Variants in CYP11B1 observed in about 807,000 individuals in gnomAD.
CYP11B1 encodes the protein cytochrome P450 family 11 subfamily B member 1.
Under a neutral mutation model 48.3 loss-of-function variants are expected in CYP11B1, and 34 were observed. The ratio of observed to expected loss-of-function variants is 0.70; its 90% CI spans 0.54 to 0.94. CYP11B1 has a LOEUF of 0.94. Ranked by LOEUF, CYP11B1 falls within the 40% of genes least tolerant of loss-of-function variation. The pLI is 0.00. For synonymous variants in CYP11B1, 291 were observed against 262.5 expected, an observed-to-expected ratio of 1.11 and a Z score of -1.05; for missense variants, 688 against 657.4, an observed-to-expected ratio of 1.05 and a Z score of -0.51.
rs922333835 is a variant in CYP11B1, at chr8:142,872,396, A to G, written c.*1977T>C. 3 of 152,220 alleles carry G rather than the reference A, an allele frequency of 2.0e-5. No individual in the cohort carries two copies. The highest frequency in any genetic ancestry group is 1.9e-4 in the East Asian group (1 of 5,192). The allele number at this position is 152,220 out of a possible 1,614,324, so 9.4% of individuals were successfully genotyped here. ...GGTTTAATACTGTTTGTCACATTCA[A>G]TTTTGGAGTTGCTTGAAACTTGTTA... On this transcript the variant is annotated 3_prime_UTR_variant, in exon 9 of 9. Coordinates refer to ENST00000292427, the MANE Select transcript of CYP11B1 (RefSeq NM_000497.4).
intron 2 of CYP11B1, among the ~76,000 whole-genome samples, chr8:142,878,826 C>G (rs141378784): frequency 0.012 from 1,852 of 152,196 alleles, 31 homozygotes; most frequent in African/African-American, 0.042. Flanking sequence ...CAGAGGTGCC[C>G]GTGCCCATTT....
Position 142,872,371 on chromosome 8 carries a change from G to A in CYP11B1, c.*2002C>T, listed in dbSNP as rs1816824252. The A allele has an allele frequency of 6.6e-6, 1 of 152,224 alleles. No individual in the cohort carries two copies. Among genetic ancestry groups the A allele is most frequent in the Non-Finnish European group, 1.5e-5 (1 of 68,034 alleles). The allele number at this position is 152,224 out of a possible 1,614,324, so 9.4% of individuals were successfully genotyped here. ...AAAGGAGATTATTCTTGAGGCTTAA[G>A]GTTTAATACTGTTTGTCACATTCAA... On this transcript the variant is annotated 3_prime_UTR_variant, in exon 9 of 9. Coordinates refer to ENST00000292427, the MANE Select transcript of CYP11B1 (RefSeq NM_000497.4).
chr8:142,873,426 G>A lies in CYP11B1; in HGVS notation c.*947C>T, dbSNP rs1586555668. ...GGGCTAGGAGCAGATGAGGCCCAAG[G>A]CAGGTTCACGCAGGAAACTGCAGCC... On this transcript the variant is annotated 3_prime_UTR_variant, in exon 9 of 9. Transcript: ENST00000292427. 1 of 152,262 alleles carries A rather than the reference G, an allele frequency of 6.6e-6. No homozygotes were observed. Among genetic ancestry groups the A allele is most frequent in the African/African-American group, 2.4e-5 (1 of 41,470 alleles). 9.4% of individuals were successfully genotyped at this position (152,262 alleles called of 1,614,324 possible).
chr8:142,878,041 C>T (rs1029796056), intron 2 of CYP11B1, among the ~76,000 whole-genome samples: 1 of 127,124 alleles, frequency 7.9e-6, no homozygotes, highest in Non-Finnish European at 1.7e-5. Flanking sequence ...ACACACACCA[C>T]ACATACATGC....
At chr8:142,874,587 G>A (rs1816872434) in intron 8 of CYP11B1, 101 bp from the exon 9 acceptor site, 2 of 855,392 alleles carry the variant, frequency 2.3e-6, no homozygotes, top group Admixed American at 1.8e-5. Flanking sequence ...GCTGAAGGGG[G>A]AACAGCAGCC....
intron 2 of CYP11B1, among the ~76,000 whole-genome samples, chr8:142,878,634 G>A (rs534277592): frequency 2.6e-4 from 39 of 152,182 alleles, no homozygotes; most frequent in Non-Finnish European, 3.7e-4. Context: ...CTGCGGCCCC[G>A]GCGAACACCA....
chr8:142,878,314 C>T (rs1817028499), intron 2 of CYP11B1, among the ~76,000 whole-genome samples: 2 of 152,304 alleles, frequency 1.3e-5, no homozygotes, highest in South Asian at 4.1e-4. Flanking sequence ...AAGCGTTCTC[C>T]TCCTGCCATG....
At position 142,879,205 on chromosome 8, in the gene CYP11B1, AG is replaced by A. The variant is rs1563871038; in HGVS notation, c.240-19del. On this transcript the variant is annotated intron_variant, in intron 1 of 8. Transcript: ENST00000292427. ...AGTCGTACCTGTGGGGCCAAGCACGAGGCCGTGCTGGATGGGACCATGTCCC... is the reference window on the plus strand; with the variant it reads ...AGTCGTACCTGTGGGGCCAAGCACGAGCCGTGCTGGATGGGACCATGTCCC... 1 of 1,613,902 alleles carries A rather than the reference AG, an allele frequency of 6.2e-7. No individual in the cohort carries two copies. Among genetic ancestry groups the A allele is most frequent in the South Asian group, 1.1e-5 (1 of 91,074 alleles).
In CYP11B1 at chr8:142,872,781, C is replaced by T. The variant is rs1291753890; in HGVS notation, c.*1592G>A. 1 of 152,190 alleles carries T rather than the reference C, an allele frequency of 6.6e-6. No homozygotes were observed. Among genetic ancestry groups the T allele is most frequent in the Non-Finnish European group, 1.5e-5 (1 of 68,046 alleles). The allele number at this position is 152,190 out of a possible 1,614,324, so 9.4% of individuals were successfully genotyped here. A position where few individuals can be genotyped will look rare whatever the true frequency, so the allele number is the denominator to read the frequency against. On this transcript the variant is annotated 3_prime_UTR_variant, in exon 9 of 9. Coordinates refer to ENST00000292427, the MANE Select transcript of CYP11B1 (RefSeq NM_000497.4). The stretch of plus-strand genomic sequence containing the variant: ...CAGAATTCATAGGCTGAAATCTAGT[C>T]ACCAAGGTGACGATAATAGCAGGGC...
rs373046641 is a variant in CYP11B1 at position 142,879,041 on chromosome 8, A to G, written c.386T>C (p.Val129Ala). The G allele has an allele frequency of 1.2e-6, 2 of 1,614,112 alleles. No individual in the cohort carries two copies. Among genetic ancestry groups the G allele is most frequent in the Non-Finnish European group, 1.7e-6 (2 of 1,180,030 alleles). ...TCAGCTCGCCGCTTACAGCAAGAAC[A>G]CGCCACATTTGTGCCCACGATGTTG... ...YRQHRGHKCG[V>A]FLLNGPEWRF... The change falls in exon 2 of 9, where the codon GTG (valine) becomes GCG (alanine). Residue 129 changes from valine to alanine, a missense_variant. Physicochemically the swap from Val to Ala is moderately conservative, Grantham distance 64. Transcript: ENST00000292427.
At chr8:142,877,834 T>A (rs7818826) in intron 2 of CYP11B1, 6 of 1,543,432 alleles carry the variant, frequency 3.9e-6, no homozygotes, top group Non-Finnish European at 5.3e-6. Flanking sequence ...CAGCCACATT[T>A]CTGCAAAACT....
Position 142,875,159 on chromosome 8 carries a change from G to A in CYP11B1, c.1201-5C>T, listed in dbSNP as rs746697113. On this transcript the variant is annotated splice_polypyrimidine_tract_variant and splice_region_variant and intron_variant, in intron 7 of 8. Transcript: ENST00000292427. ...GAGGAACACGCGCACCAATGTCTGCGGACGGTGCAGAGCGGGGATCAGGGA... is the reference window on the plus strand; with the variant it reads ...GAGGAACACGCGCACCAATGTCTGCAGACGGTGCAGAGCGGGGATCAGGGA... 1.2e-6 allele frequency: 2 copies of A among 1,614,252 alleles called. No individual in the cohort carries two copies. Among genetic ancestry groups the A allele is most frequent in the Non-Finnish European group, 1.7e-6 (2 of 1,180,048 alleles).
Position 142,873,346 on chromosome 8 carries a change from C to T in CYP11B1, c.*1027G>A, listed in dbSNP as rs1336858901. On this transcript the variant is annotated 3_prime_UTR_variant, in exon 9 of 9. Coordinates refer to ENST00000292427, the MANE Select transcript of CYP11B1 (RefSeq NM_000497.4). The stretch of plus-strand genomic sequence containing the variant: ...ACTCTCAAACTGGGTGCTTCCTCTC[C>T]CTGCACGGGAGCACTGGGGAGTGGC... 1 of 152,254 alleles carries T rather than the reference C, an allele frequency of 6.6e-6. No individual in the cohort carries two copies. The highest frequency in any genetic ancestry group is 6.5e-5 in the Admixed American group (1 of 15,290). The allele number at this position is 152,254 out of a possible 1,614,324, so 9.4% of individuals were successfully genotyped here.
chr8:142,876,487 G>C, intron 4 of CYP11B1, 92 bp from the exon 5 acceptor site: 2 of 1,535,290 alleles, frequency 1.3e-6, no homozygotes, highest in Non-Finnish European at 1.8e-6. Context: ...CGACACCCAA[G>C]TCTCCCTGCT....
Position 142,879,559 on chromosome 8 carries a change from C to T in CYP11B1, c.239+16G>A. The T allele has an allele frequency of 1.2e-6, 2 of 1,614,144 alleles. No individual in the cohort carries two copies. The highest frequency in any genetic ancestry group is 1.7e-6 in the Non-Finnish European group (2 of 1,179,994). On this transcript the variant is annotated intron_variant, in intron 1 of 8. Transcript: ENST00000292427. Reference sequence around the variant, plus strand: ...GGGCTCTGGGTGTTCCCAGCGAGGGCCAGGGAGGGCTTTACCTGAAAATGG... The same window carrying T: ...GGGCTCTGGGTGTTCCCAGCGAGGGTCAGGGAGGGCTTTACCTGAAAATGG...
At chr8:142,876,988 G>T in intron 3 of CYP11B1, 35 bp downstream of exon 3, 4 of 1,612,558 alleles carry the variant, frequency 2.5e-6, no homozygotes, top group Non-Finnish European at 3.4e-6. Flanking sequence ...CCACTCCAGG[G>T]TCTCTGAGGC....
rs1563869604 is a variant in CYP11B1, at chr8:142,877,034, T to C, written c.584A>G (p.Tyr195Cys). 6.2e-7 allele frequency: 1 copy of C among 1,613,478 alleles called. No individual in the cohort carries two copies. Among genetic ancestry groups the C allele is most frequent in the Non-Finnish European group, 8.5e-7 (1 of 1,179,772 alleles). ...CACGTGGCCCACACCTTCTATGGTG[T>C]AGTGGAAGATGCTGGGCTGGACGTC... ...TLDVQPSIFH[Y>C]TIEASNLALF... Residue 195 changes from tyrosine to cysteine, a missense_variant, in exon 3 of 9, where the codon TAC becomes TGC. Physicochemically the swap from Tyr to Cys is radical, Grantham distance 194. Coordinates refer to ENST00000292427, the MANE Select transcript of CYP11B1 (RefSeq NM_000497.4).
chr8:142,874,204 C>T lies in CYP11B1; in HGVS notation c.*169G>A. On this transcript the variant is annotated 3_prime_UTR_variant, in exon 9 of 9. Coordinates refer to ENST00000292427, the MANE Select transcript of CYP11B1 (RefSeq NM_000497.4). ...CTGTGCCCTGGCATTGCTGCTTAGC[C>T]TGGCAAACCCTGGTCCTAGAGGCCC... 2 of 659,372 alleles carry T rather than the reference C, an allele frequency of 3.0e-6. No homozygotes were observed. Among genetic ancestry groups the T allele is most frequent in the South Asian group, 3.4e-5 (2 of 59,110 alleles). The allele number at this position is 659,372 out of a possible 1,614,324, so 40.8% of individuals were successfully genotyped here. A position where few individuals can be genotyped will look rare whatever the true frequency, so the allele number is the denominator to read the frequency against.
chr8:142,876,988 G>A (rs201960529), intron 3 of CYP11B1, 35 bp downstream of exon 3: 3 of 1,612,558 alleles, frequency 1.9e-6, no homozygotes, highest in East Asian at 4.5e-5. Flanking sequence ...CCACTCCAGG[G>A]TCTCTGAGGC....
Sources: allele counts gnomAD v4.1 joint callset (sites outside exome capture counted in the v4.1 genomes callset), GRCh38; gene constraint gnomAD v4.1.1; transcripts MANE v1.5; gene names NCBI Gene and HGNC (gene_info 2026-07-23, HGNC 2026-07-21).